Variants in HDAC4 observed in about 807,000 individuals in gnomAD.
The protein encoded by HDAC4 is histone deacetylase 4.
A neutral mutation model predicts 135.1 loss-of-function variants in HDAC4; 16 were observed. The ratio of observed to expected loss-of-function variants is 0.12; its 90% CI spans 0.08 to 0.18. The LOEUF is 0.18. Among genes scored for constraint, HDAC4 ranks in the 10% least tolerant of loss-of-function variants. HDAC4 has a pLI of 1.00. For missense variants in HDAC4, 1,143 were observed against 1,511.8 expected (o/e 0.76, Z 4.05); for synonymous variants, 685 against 653.4 (o/e 1.05, Z -0.74).
intron 22 of HDAC4, among the ~76,000 whole-genome samples, chr2:239,080,636 A>G (rs943578724): frequency 1.3e-5 from 2 of 152,244 alleles, no homozygotes; most frequent in Non-Finnish European, 2.9e-5. Context: ...AGCCACACGA[A>G]GGAAATGGGA....
At chr2:239,194,307 T>C (rs2045216144) in intron 3 of HDAC4, among the ~76,000 whole-genome samples, 1 of 152,230 alleles carries the variant, frequency 6.6e-6, no homozygotes, top group Non-Finnish European at 1.5e-5. Flanking sequence ...CCTTAAGCTG[T>C]TTTCTTGGAG....
At chr2:239,136,854 A>T (rs1483637518) in intron 9 of HDAC4, among the ~76,000 whole-genome samples, 1 of 152,214 alleles carries the variant, frequency 6.6e-6, no homozygotes, top group Non-Finnish European at 1.5e-5. Context: ...CTCACTTAGG[A>T]GCAAACTCAC....
intron 1 of HDAC4, among the ~76,000 whole-genome samples, chr2:239,365,751 T>C (rs960947697): frequency 2.6e-5 from 4 of 151,178 alleles, no homozygotes; most frequent in Non-Finnish European, 5.9e-5. Flanking sequence ...GTCACGCACG[T>C]GGCACTGGGG....
At chr2:239,214,375 C>T (rs1399317628) in intron 3 of HDAC4, among the ~76,000 whole-genome samples, 1 of 152,238 alleles carries the variant, frequency 6.6e-6, no homozygotes, top group Non-Finnish European at 1.5e-5. Flanking sequence ...AAAGGGCCCA[C>T]CCTGATGATC....
rs748504726 is a variant in HDAC4, at chr2:239,134,557, C to G, written c.1065G>C (p.Thr355=). 6.2e-7 allele frequency: 1 copy of G among 1,614,108 alleles called. No individual in the cohort carries two copies. Among genetic ancestry groups the G allele is most frequent in the Non-Finnish European group, 8.5e-7 (1 of 1,180,016 alleles). Residue 355 remains threonine (T), a synonymous_variant, in exon 10 of 27, where the codon ACG becomes ACC. Coordinates refer to ENST00000543185, the MANE Select transcript of HDAC4 (RefSeq NM_001378414.1). ...LYTSPSLPNI[T]LGLPATGPSA... is the part of the protein sequence containing the mutation. Reference sequence around the variant, plus strand: ...AGGGGCCGGTGGCAGGCAGGCCCAGCGTGATGTTGGGCAAGGATGGCGATG... The same window carrying G: ...AGGGGCCGGTGGCAGGCAGGCCCAGGGTGATGTTGGGCAAGGATGGCGATG...
At chr2:239,361,021 C>T (rs1356411622) in intron 1 of HDAC4, among the ~76,000 whole-genome samples, 1 of 152,210 alleles carries the variant, frequency 6.6e-6, no homozygotes, top group African/African-American at 2.4e-5. Context: ...TGCTCCTGAT[C>T]GCCCCACCCC....
At chr2:239,358,190 T>G (rs1228480600) in intron 1 of HDAC4, among the ~76,000 whole-genome samples, 3 of 152,142 alleles carry the variant, frequency 2.0e-5, no homozygotes, top group African/African-American at 7.2e-5. Flanking sequence ...ACTTATTACT[T>G]AGAATTCCAA....
intron 1 of HDAC4, among the ~76,000 whole-genome samples, chr2:239,378,995 A>T (rs72993768): frequency 0.091 from 13,785 of 152,260 alleles, 703 homozygotes; most frequent in Middle Eastern, 0.18. Context: ...TCACTGGCAC[A>T]CAGCAGAATC....
At chr2:239,118,349 G>C (rs2039325725) in intron 12 of HDAC4, among the ~76,000 whole-genome samples, 1 of 152,228 alleles carries the variant, frequency 6.6e-6, no homozygotes, top group Non-Finnish European at 1.5e-5. Flanking sequence ...GGGAAATGGA[G>C]CCAGGTCCAG....
intron 2 of HDAC4, among the ~76,000 whole-genome samples, chr2:239,295,862 A>G (rs1189691956): frequency 6.6e-6 from 1 of 152,202 alleles, no homozygotes; most frequent in Non-Finnish European, 1.5e-5. Context: ...AAGTGCCCCC[A>G]GAGCCCTTCA....
chr2:239,176,688 C>A, intron 4 of HDAC4, 125 bp from the exon 5 acceptor site: 1 of 803,330 alleles, frequency 1.2e-6, no homozygotes, highest in Non-Finnish European at 2.0e-6. Context: ...CTGGGCACTG[C>A]CCTGCCCTGC....
At chr2:239,311,852 T>C (rs998951572) in intron 2 of HDAC4, among the ~76,000 whole-genome samples, 3 of 151,962 alleles carry the variant, frequency 2.0e-5, no homozygotes, top group African/African-American at 7.3e-5. Context: ...GCCAGCAGGG[T>C]CCTTGACCTA....
At chr2:239,182,554 G>C (rs1480125626) in intron 4 of HDAC4, among the ~76,000 whole-genome samples, 1 of 152,172 alleles carries the variant, frequency 6.6e-6, no homozygotes, top group East Asian at 1.9e-4. Context: ...GTCACAAACA[G>C]TGACTGATTC....
intron 24 of HDAC4, among the ~76,000 whole-genome samples, chr2:239,065,085 G>A (rs1005047242): frequency 1.9e-4 from 29 of 152,336 alleles, no homozygotes; most frequent in Admixed American, 7.8e-4. Flanking sequence ...CACGGCACCC[G>A]GACCGTCCTG....
intron 2 of HDAC4, among the ~76,000 whole-genome samples, chr2:239,242,345 T>C (rs1476601452): frequency 6.6e-6 from 1 of 152,186 alleles, no homozygotes; most frequent in Non-Finnish European, 1.5e-5. Context: ...TCCATGAACA[T>C]GGGCTATTAC....
At chr2:239,094,826 C>A (rs1453140247) in intron 17 of HDAC4, 184 bp downstream of exon 17, 3 of 1,479,738 alleles carry the variant, frequency 2.0e-6, no homozygotes, top group African/African-American at 1.4e-5. Context: ...GAGAAAGGTG[C>A]CCGAGTCGGC....
intron 2 of HDAC4, among the ~76,000 whole-genome samples, chr2:239,327,646 C>T (rs1181100638): frequency 4.6e-5 from 7 of 152,246 alleles, no homozygotes; most frequent in Non-Finnish European, 7.3e-5. Context: ...CCAGACTTGG[C>T]CCGGGACTGC....
At chr2:239,094,628 GT>G in intron 17 of HDAC4, 1 of 1,143,576 alleles carries the variant, frequency 8.7e-7, no homozygotes, top group Non-Finnish European at 1.1e-6. Flanking sequence ...GTAGCTTCGG[GT>G]GGAAACTAGG....
rs187057687 is a variant in HDAC4 at position 239,187,409 on chromosome 2, C to T, written c.339+2424G>A. 8.5e-5 allele frequency among the ~76,000 whole-genome samples: 13 copies of T among 152,338 alleles called. No homozygotes were observed. In the South Asian group the frequency reaches 2.1e-3, roughly 24 times the overall value. ...CCTATGGCGCAAAAACTAAATAAAA[C>T]GAGTGGCCTCTTGAGGGCTGCTCTT... is the stretch of plus-strand genomic sequence containing the variant. On this transcript the variant is annotated intron_variant, in intron 4 of 26. Coordinates refer to ENST00000543185, the MANE Select transcript of HDAC4 (RefSeq NM_001378414.1).
Sources: allele counts gnomAD v4.1 joint callset (sites outside exome capture counted in the v4.1 genomes callset), GRCh38; gene constraint gnomAD v4.1.1; transcripts MANE v1.5; gene names NCBI Gene and HGNC (gene_info 2026-07-23, HGNC 2026-07-21).